SLC38A10: variants seen among roughly 807,000 people sequenced by gnomAD.
The protein encoded by SLC38A10 is solute carrier family 38 member 10, also known as Sodium-coupled neutral amino acid transporter 10.
A neutral mutation model predicts 81.0 loss-of-function variants in SLC38A10; 53 were observed. That is an observed-to-expected ratio of 0.65 (90% CI 0.53 to 0.82). The LOEUF (loss-of-function observed/expected upper bound fraction) is 0.82. SLC38A10 is among the 40% of genes least tolerant of loss of function. The pLI is 0.00. For missense variants in SLC38A10, 1,471 were observed against 1,545.0 expected (o/e 0.95, Z 0.80); for synonymous variants, 665 against 655.3 (o/e 1.01, Z -0.23).
intron 8 of SLC38A10, among the ~76,000 whole-genome samples, chr17:81,273,818 C>T (rs1047191892): frequency 5.3e-5 from 8 of 152,098 alleles, no homozygotes; most frequent in Non-Finnish European, 7.3e-5. Flanking sequence ...CCCAGGCCCC[C>T]GCAACAGGTG....
chr17:81,259,106 A>G (rs1057402521), intron 11 of SLC38A10, among the ~76,000 whole-genome samples: 52 of 152,234 alleles, frequency 3.4e-4, no homozygotes, highest in Non-Finnish European at 6.6e-4. Context: ...AGATGACAAC[A>G]AGCCCCAGGG....
chr17:81,258,444 G>A (rs897183860), intron 11 of SLC38A10, among the ~76,000 whole-genome samples: 23 of 152,158 alleles, frequency 1.5e-4, no homozygotes, highest in Admixed American at 2.6e-4. Context: ...CAGGTGAGCC[G>A]GAGGCCCACG....
rs920446288 is a variant in SLC38A10 at position 81,277,403 on chromosome 17, G to A, written c.627-270C>T. 2.0e-5 allele frequency among the ~76,000 whole-genome samples: 3 copies of A among 152,338 alleles called. No homozygotes were observed. Among genetic ancestry groups the A allele is most frequent in the East Asian group, 1.9e-4 (1 of 5,172 alleles). On this transcript the variant is annotated intron_variant, in intron 6 of 15. Transcript: ENST00000374759. This position sits in a 1 kb window ranked among gnomAD's most constrained non-coding sequence, Gnocchi z 4.5. ...ACAGAACGACAGGCTGCTGCTCCAC[G>A]CCAGGGAGCGGGTGCTGAGAGTCAA...
At chr17:81,272,472 C>CG (rs1466406759) in intron 9 of SLC38A10, 44 bp downstream of exon 9, 7 of 1,409,782 alleles carry the variant, frequency 5.0e-6, no homozygotes, top group South Asian at 3.9e-5. Flanking sequence ...ATGCCGAAGC[C>CG]CCGGGTCCCA....
In SLC38A10 at chr17:81,286,960, G is replaced by A. The variant is rs952970572; in HGVS notation, c.218-2065C>T. 1.3e-5 allele frequency among the ~76,000 whole-genome samples: 2 copies of A among 152,174 alleles called. No individual in the cohort carries two copies. The highest frequency in any genetic ancestry group is 3.9e-4 in the East Asian group (2 of 5,194). On this transcript the variant is annotated intron_variant, in intron 2 of 15. Transcript: ENST00000374759. This position sits in a 1 kb window ranked among gnomAD's most constrained non-coding sequence, Gnocchi z 6.0. ...GCTCAGAACAGCTTCATGAGAAGCC[G>A]CGACAGCTGAAGGAGGCTGAATGAC... is the stretch of plus-strand genomic sequence containing the variant.
At chr17:81,280,225 T>A in intron 6 of SLC38A10, 1 of 426,438 alleles carries the variant, frequency 2.3e-6, no homozygotes, top group Non-Finnish European at 4.8e-6. Context: ...CCAGCAGCCG[T>A]CTGAAGTCAA....
At chr17:81,257,107 G>A (rs897598402) in intron 11 of SLC38A10, among the ~76,000 whole-genome samples, 5 of 152,142 alleles carry the variant, frequency 3.3e-5, no homozygotes, top group Non-Finnish European at 5.9e-5. Context: ...GAGCTCTCCT[G>A]CATGCCCTAC....
chr17:81,286,599 A>T lies in SLC38A10; in HGVS notation c.218-1704T>A, dbSNP rs1358754571. On this transcript the variant is annotated intron_variant, in intron 2 of 15. Transcript: ENST00000374759. The surrounding 1 kb of genome is among the most constrained non-coding windows in gnomAD (Gnocchi z 6.0). ...TGAAGCGCCCAGCAAGGTCCCGGGGACCCAGCCCTCCCCCGAGTGTGGACT... is the reference window on the plus strand; with the variant it reads ...TGAAGCGCCCAGCAAGGTCCCGGGGTCCCAGCCCTCCCCCGAGTGTGGACT... 1.3e-5 allele frequency among the ~76,000 whole-genome samples: 2 copies of T among 152,052 alleles called. No individual in the cohort carries two copies. The highest frequency in any genetic ancestry group is 4.8e-5 in the African/African-American group (2 of 41,380).
chr17:81,293,705 T>C (rs548733833), intron 1 of SLC38A10, among the ~76,000 whole-genome samples: 1 of 152,270 alleles, frequency 6.6e-6, no homozygotes, highest in Non-Finnish European at 1.5e-5. Context: ...TTTTTGGATA[T>C]TTTTATTCCA....
At chr17:81,262,515 A>G (rs1348287101) in intron 10 of SLC38A10, among the ~76,000 whole-genome samples, 5 of 152,206 alleles carry the variant, frequency 3.3e-5, no homozygotes, top group African/African-American at 1.2e-4. Flanking sequence ...TGCATCTCAC[A>G]TTTCTCCAGC....
chr17:81,285,733 C>T (rs1255073210), intron 2 of SLC38A10: 1 of 150,954 alleles, frequency 6.6e-6, no homozygotes, highest in South Asian at 2.1e-4. Context: ...GGCCCAGCCC[C>T]GTCGGCAGCC....
chr17:81,287,160 C>T (rs2146954729), intron 2 of SLC38A10, among the ~76,000 whole-genome samples: 1 of 152,356 alleles, frequency 6.6e-6, no homozygotes, highest in East Asian at 1.9e-4. Flanking sequence ...AACGACACCT[C>T]TCCAGGCTGG....
At chr17:81,290,063 T>C (rs148301481) in intron 1 of SLC38A10, among the ~76,000 whole-genome samples, 7 of 152,338 alleles carry the variant, frequency 4.6e-5, no homozygotes, top group Non-Finnish European at 1.0e-4. Flanking sequence ...CCTCAAGTCT[T>C]CATGGACAGC....
At chr17:81,278,291 G>A (rs1417689587) in intron 6 of SLC38A10, among the ~76,000 whole-genome samples, 1 of 152,202 alleles carries the variant, frequency 6.6e-6, no homozygotes, top group Non-Finnish European at 1.5e-5. Flanking sequence ...GGCCGAGGCA[G>A]GAGGATCACT....
rs2063285425 is a variant in SLC38A10, at chr17:81,288,444, G to A, written c.217+1247C>T. Among the ~76,000 whole-genome samples the A allele has an allele frequency of 6.6e-6, 1 of 152,194 alleles. No homozygotes were observed. Among genetic ancestry groups the A allele is most frequent in the South Asian group, 2.1e-4 (1 of 4,832 alleles). ...CAAAACCCACAGGGCCAACTCCTGA[G>A]AACACGGATGCTGGAATTTCAACAC... On this transcript the variant is annotated intron_variant, in intron 2 of 15. Transcript: ENST00000374759. The surrounding 1 kb of genome is among the most constrained non-coding windows in gnomAD (Gnocchi z 5.4).
At chr17:81,267,762 C>G (rs974231554) in intron 10 of SLC38A10, among the ~76,000 whole-genome samples, 74 of 152,114 alleles carry the variant, frequency 4.9e-4, no homozygotes, top group African/African-American at 1.8e-3. Flanking sequence ...ACCAAAGACA[C>G]TGGTAAACAG....
chr17:81,256,670 G>A (rs1423801203), intron 11 of SLC38A10, among the ~76,000 whole-genome samples: 3 of 152,254 alleles, frequency 2.0e-5, no homozygotes, highest in African/African-American at 4.8e-5. Context: ...GGCCGCTGAC[G>A]TGACTTCAAA....
intron 11 of SLC38A10, among the ~76,000 whole-genome samples, chr17:81,256,016 G>A (rs891884611): frequency 6.6e-6 from 1 of 152,028 alleles, no homozygotes; most frequent in African/African-American, 2.4e-5. Flanking sequence ...AAGAAACCAC[G>A]ACCCGTGACC....
chr17:81,255,659 G>A (rs1315908105), intron 11 of SLC38A10, among the ~76,000 whole-genome samples: 4 of 152,216 alleles, frequency 2.6e-5, no homozygotes, highest in Non-Finnish European at 4.4e-5. Context: ...ACCCAGCAGA[G>A]GGTGCTGCCG....
Sources: gnomAD v4.1 joint callset for allele counts (sites outside exome capture counted in the v4.1 genomes callset) on GRCh38, gnomAD v4.1.1 for gene constraint, Gnocchi (gnomAD v3.1) non-coding constraint, MANE v1.5 for transcripts, NCBI Gene and HGNC (gene_info 2026-07-23, HGNC 2026-07-21) for gene names.